Variants in TPCN1 observed in about 807,000 individuals in gnomAD.
The protein encoded by TPCN1 is two pore channel protein 1.
In TPCN1, 52 loss-of-function variants were observed where a neutral mutation model predicts 108.8. That is an observed-to-expected ratio of 0.48 (90% CI 0.38 to 0.60). The LOEUF (loss-of-function observed/expected upper bound fraction) is 0.60. Ranked by LOEUF, TPCN1 falls within the 20% of genes least tolerant of loss-of-function variation. The pLI is 0.00. For missense variants in TPCN1, 806 were observed against 1,072.8 expected, an observed-to-expected ratio of 0.75 and a Z score of 3.47; for synonymous variants, 446 against 433.7, an observed-to-expected ratio of 1.03 and a Z score of -0.35.
At chr12:113,224,050 A>C (rs1384594191) in intron 1 of TPCN1, among the ~76,000 whole-genome samples, 1 of 152,250 alleles carries the variant, frequency 6.6e-6, no homozygotes, top group Non-Finnish European at 1.5e-5. Flanking sequence ...AGCTGAAGTG[A>C]AAGATGTATT....
chr12:113,222,523 T>G (rs1953281310), intron 1 of TPCN1, among the ~76,000 whole-genome samples: 1 of 152,220 alleles, frequency 6.6e-6, no homozygotes, highest in Non-Finnish European at 1.5e-5. Flanking sequence ...ACAGTCAAGA[T>G]GTCTCCAGAC....
intron 2 of TPCN1, among the ~76,000 whole-genome samples, chr12:113,253,866 C>A (rs143092584): frequency 1.4e-4 from 22 of 152,348 alleles, no homozygotes; most frequent in African/African-American, 5.1e-4. Context: ...AAAATAAAAT[C>A]TGCCGCAGGA....
intron 2 of TPCN1, among the ~76,000 whole-genome samples, chr12:113,245,290 T>G (rs1954314963): frequency 1.5e-5 from 2 of 136,802 alleles, no homozygotes; most frequent in African/African-American, 5.5e-5. Flanking sequence ...AGAAAGAAAA[T>G]AAAAAGGAGA....
At chr12:113,243,276 A>T (rs2136485589) in intron 2 of TPCN1, among the ~76,000 whole-genome samples, 1 of 152,326 alleles carries the variant, frequency 6.6e-6, no homozygotes, top group African/African-American at 2.4e-5. Flanking sequence ...AGACTGAGGC[A>T]CAAGAATCAC....
chr12:113,240,775 G>C (rs1175104506), intron 2 of TPCN1, among the ~76,000 whole-genome samples: 1 of 146,734 alleles, frequency 6.8e-6, no homozygotes, highest in Non-Finnish European at 1.5e-5. Context: ...TGGAGACAGA[G>C]TCTCACTCTT....
intron 1 of TPCN1, 53 bp from the exon 2 acceptor site, chr12:113,226,675 T>C (rs1593064211): frequency 3.0e-6 from 4 of 1,353,068 alleles, no homozygotes; most frequent in East Asian, 2.5e-5. Context: ...GATTCATCAG[T>C]CATGGCTGTA....
At chr12:113,244,663 C>T in intron 2 of TPCN1, 1 of 985,428 alleles carries the variant, frequency 1.0e-6, no homozygotes, top group Non-Finnish European at 1.2e-6. Flanking sequence ...GTGGGGCTCT[C>T]AGTGACAACT....
chr12:113,238,970 A>C (rs1953999007), intron 2 of TPCN1, among the ~76,000 whole-genome samples: 3 of 152,126 alleles, frequency 2.0e-5, no homozygotes, highest in Admixed American at 6.5e-5. Flanking sequence ...ATTTCTAAAA[A>C]GAAGTTAAAA....
At chr12:113,256,679 G>A (rs1593131449) in intron 2 of TPCN1, among the ~76,000 whole-genome samples, 1 of 152,292 alleles carries the variant, frequency 6.6e-6, no homozygotes, top group East Asian at 1.9e-4. Flanking sequence ...ACACCACTGT[G>A]CCTTGATGTG....
rs1169168475 is a variant in TPCN1 at position 113,273,630 on chromosome 12, G to A, written c.904G>A (p.Val302Met). The A allele has an allele frequency of 6.2e-6, 10 of 1,614,018 alleles. No homozygotes were observed. The highest frequency in any genetic ancestry group is 4.0e-5 in the African/African-American group (3 of 74,930). ...RNPWSCVFFI[V>M]YLSIELYFIM... ...CCCCTGGTCCTGCGTCTTCTTCATCGTGTACCTCTCCATCGAGCTGTATTT... is the reference window on the plus strand; with the variant it reads ...CCCCTGGTCCTGCGTCTTCTTCATCATGTACCTCTCCATCGAGCTGTATTT... The change falls in exon 10 of 28, where the codon GTG becomes ATG. Residue 302 changes from valine (V) to methionine (M), a missense_variant. By Grantham distance (21) the Val-to-Met change is conservative. Coordinates refer to ENST00000335509, the MANE Select transcript of TPCN1 (RefSeq NM_017901.6). The surrounding 1 kb of genome is among the most constrained non-coding windows in gnomAD (Gnocchi z 4.0).
rs149754924 is a variant in TPCN1, at chr12:113,266,671, T to C, written c.414+315T>C. Among the ~76,000 whole-genome samples the C allele has an allele frequency of 5.1e-3, 781 of 152,284 alleles. 11 individuals carry two copies. The highest frequency in any genetic ancestry group is 0.018 in the African/African-American group (740 of 41,560). On this transcript the variant is annotated intron_variant, in intron 4 of 27. Coordinates refer to ENST00000335509, the MANE Select transcript of TPCN1 (RefSeq NM_017901.6). The surrounding 1 kb of genome is among the most constrained non-coding windows in gnomAD (Gnocchi z 4.2). The stretch of plus-strand genomic sequence containing the variant: ...GAGGGCACCCAGTGGACAGTCCCAC[T>C]ACTCTGTCTCCAGCCTCAAAGGAGA...
intron 2 of TPCN1, among the ~76,000 whole-genome samples, chr12:113,246,315 C>A (rs761800007): frequency 1.3e-5 from 2 of 152,238 alleles, no homozygotes; most frequent in Admixed American, 6.5e-5. Flanking sequence ...TGCGCCTGTC[C>A]TCTTGGTCTG....
chr12:113,273,123 A>G lies in TPCN1; in HGVS notation c.784-109A>G. 1.1e-6 allele frequency: 1 copy of G among 941,828 alleles called. No homozygotes were observed. Among genetic ancestry groups the G allele is most frequent in the Non-Finnish European group, 1.7e-6 (1 of 571,848 alleles). 58.3% of individuals were successfully genotyped at this position (941,828 alleles called of 1,614,324 possible). On this transcript the variant is annotated intron_variant, in intron 8 of 27. Transcript: ENST00000335509. This position sits in a 1 kb window ranked among gnomAD's most constrained non-coding sequence, Gnocchi z 4.0. Reference sequence around the variant, plus strand: ...GCCTCCCTCAGGGATTCCTTGAGAGATGCAAGAGCGGTCAAGGCAGGGCAT... The same window carrying G: ...GCCTCCCTCAGGGATTCCTTGAGAGGTGCAAGAGCGGTCAAGGCAGGGCAT...
chr12:113,266,054 T>TTC lies in TPCN1; in HGVS notation c.238-124_238-123dup. 2.9e-6 allele frequency: 3 copies of TTC among 1,024,522 alleles called. No homozygotes were observed. The highest frequency in any genetic ancestry group is 2.3e-5 in the Admixed American group (1 of 43,458). 63.5% of individuals were successfully genotyped at this position (1,024,522 alleles called of 1,614,324 possible). ...AAGATCATTTTGATTTTCCAGCATC[T>TTC]TCTGTCTCTGGCCTGAATCTCTCCT... is the stretch of plus-strand genomic sequence containing the variant. On this transcript the variant is annotated intron_variant, in intron 3 of 27. Transcript: ENST00000335509. This position sits in a 1 kb window ranked among gnomAD's most constrained non-coding sequence, Gnocchi z 4.2.
In TPCN1 at chr12:113,282,749, C is replaced by T. The variant is rs186103813; in HGVS notation, c.1343-1832C>T. Among the ~76,000 whole-genome samples, 772 of 146,800 alleles carry T rather than the reference C, an allele frequency of 5.3e-3. 11 individuals are homozygous for T. Among genetic ancestry groups the T allele is most frequent in the African/African-American group, 0.018 (733 of 39,636 alleles). On this transcript the variant is annotated intron_variant, in intron 15 of 27. Transcript: ENST00000335509. ...TCCAGCCTGGGCAACAGAGTGAGAC[C>T]CCCCTATCTCAAGAAAAAAAAACCC... is the stretch of plus-strand genomic sequence containing the variant.
At chr12:113,227,329 CA>C (rs1396212593) in intron 2 of TPCN1, among the ~76,000 whole-genome samples, 1 of 152,204 alleles carries the variant, frequency 6.6e-6, no homozygotes, top group African/African-American at 2.4e-5. Flanking sequence ...CAGATTTCAA[CA>C]CCAGCCTCCG....
chr12:113,269,932 C>T lies in TPCN1; in HGVS notation c.748+87C>T, dbSNP rs1033077974. Reference sequence around the variant, plus strand: ...TTATTTTGGGCCTGGCTCAGTGGCTCACGCCTGTAATCCTAGCATTTTGGG... The same window carrying T: ...TTATTTTGGGCCTGGCTCAGTGGCTTACGCCTGTAATCCTAGCATTTTGGG... On this transcript the variant is annotated intron_variant, in intron 7 of 27. Coordinates refer to ENST00000335509, the MANE Select transcript of TPCN1 (RefSeq NM_017901.6). This position sits in a 1 kb window ranked among gnomAD's most constrained non-coding sequence, Gnocchi z 5.0. 119 of 1,433,234 alleles carry T rather than the reference C, an allele frequency of 8.3e-5. No individual in the cohort carries two copies. The highest frequency in any genetic ancestry group is 1.0e-4 in the Non-Finnish European group (108 of 1,028,586). 88.8% of individuals were successfully genotyped at this position (1,433,234 alleles called of 1,614,324 possible). A position where few individuals can be genotyped will look rare whatever the true frequency, so the allele number is the denominator to read the frequency against.
chr12:113,268,675 G>A lies in TPCN1; in HGVS notation c.529-67G>A, dbSNP rs369402030. The A allele has an allele frequency of 2.1e-5, 33 of 1,589,716 alleles. No individual in the cohort carries two copies. In the East Asian group the frequency reaches 2.9e-4, roughly 14 times the overall value. The stretch of plus-strand genomic sequence containing the variant: ...GTGGGCACTGCCTCTCCAGCCCCCC[G>A]TTCCAGGTATGCAGGATGACGGCTG... On this transcript the variant is annotated intron_variant, in intron 5 of 27. Coordinates refer to ENST00000335509, the MANE Select transcript of TPCN1 (RefSeq NM_017901.6). The surrounding 1 kb of genome is among the most constrained non-coding windows in gnomAD (Gnocchi z 7.3).
intron 12 of TPCN1, 101 bp from the exon 13 acceptor site, chr12:113,278,088 C>A: frequency 1.0e-6 from 1 of 967,470 alleles, no homozygotes. Flanking sequence ...TCTCTTCCTC[C>A]CTCACCCCAT....
Sources: gnomAD v4.1 joint callset for allele counts (sites outside exome capture counted in the v4.1 genomes callset) on GRCh38, gnomAD v4.1.1 for gene constraint, Gnocchi (gnomAD v3.1) non-coding constraint, MANE v1.5 for transcripts, NCBI Gene and HGNC (gene_info 2026-07-23, HGNC 2026-07-21) for gene names.